GAB2: variants seen among roughly 807,000 people sequenced by gnomAD.
GAB2 encodes the protein GRB2-associated-binding protein 2.
A neutral mutation model predicts 65.5 loss-of-function variants in GAB2; 26 were observed. The ratio of observed to expected loss-of-function variants is 0.40; its 90% CI spans 0.29 to 0.55. The LOEUF is 0.55. Among genes scored for constraint, GAB2 ranks in the 20% least tolerant of loss-of-function variants. The pLI, the probability that GAB2 is intolerant of heterozygous loss-of-function variation, is 0.53. For missense variants in GAB2, 884 were observed against 875.8 expected (o/e 1.01, Z -0.12); for synonymous variants, 321 against 329.6 (o/e 0.97, Z 0.28).
intron 1 of GAB2, among the ~76,000 whole-genome samples, chr11:78,383,020 C>T (rs571829550): frequency 6.6e-6 from 1 of 152,234 alleles, no homozygotes; most frequent in Admixed American, 6.5e-5. Flanking sequence ...CGCCTGTAAT[C>T]CTGGCACTTT....
intron 1 of GAB2, among the ~76,000 whole-genome samples, chr11:78,293,667 A>T (rs116462200): frequency 1.9e-3 from 293 of 152,304 alleles, no homozygotes; most frequent in African/African-American, 6.8e-3. Context: ...GACAAGCGTT[A>T]TGTTCCAAGC....
intron 1 of GAB2, among the ~76,000 whole-genome samples, chr11:78,338,784 A>T (rs1217259262): frequency 6.6e-6 from 1 of 152,158 alleles, no homozygotes; most frequent in Non-Finnish European, 1.5e-5. Flanking sequence ...TCCTCATAAA[A>T]CTTTACATTC....
intron 1 of GAB2, among the ~76,000 whole-genome samples, chr11:78,306,440 C>T (rs557390901): frequency 1.3e-5 from 2 of 152,300 alleles, no homozygotes; most frequent in East Asian, 1.9e-4. Context: ...CCATGTTGCC[C>T]AGGCTGGTCG....
Position 78,384,272 on chromosome 11 carries a change from C to A in GAB2, c.75+33374G>T, listed in dbSNP as rs12225176. On this transcript the variant is annotated intron_variant, in intron 1 of 9. Coordinates refer to ENST00000361507, the MANE Select transcript of GAB2 (RefSeq NM_080491.3). ...TCTCATATGGGAGCTATGTGGGAGA[C>A]CAACAGGTCTGTGAAAGAGAACTCC... Among the ~76,000 whole-genome samples the A allele has an allele frequency of 4.6e-5, 7 of 152,266 alleles. No homozygotes were observed. The East Asian group carries it at 1.4e-3, about 29-fold the overall frequency.
chr11:78,318,695 C>G (rs1256907072), intron 1 of GAB2, among the ~76,000 whole-genome samples: 2 of 152,170 alleles, frequency 1.3e-5, no homozygotes, highest in East Asian at 3.9e-4. Flanking sequence ...GAACCACATT[C>G]TTATTTCTAA....
intron 3 of GAB2, among the ~76,000 whole-genome samples, chr11:78,231,371 C>G (rs1431813646): frequency 2.8e-4 from 21 of 76,274 alleles, no homozygotes; most frequent in South Asian, 1.3e-3. Context: ...GTGTGTGTGT[C>G]GGAGTCTCAT....
intron 1 of GAB2, among the ~76,000 whole-genome samples, chr11:78,373,530 G>A (rs1237429515): frequency 2.0e-5 from 3 of 151,934 alleles, no homozygotes; most frequent in Non-Finnish European, 4.4e-5. Flanking sequence ...GAGCCACCAC[G>A]CCTGGCCATA....
At chr11:78,292,092 TG>T (rs1386870478) in intron 1 of GAB2, among the ~76,000 whole-genome samples, 3 of 151,974 alleles carry the variant, frequency 2.0e-5, no homozygotes, top group Non-Finnish European at 4.4e-5. Flanking sequence ...AAGAGCTTTT[TG>T]AAGATACAAC....
chr11:78,300,349 T>C (rs930237916), intron 1 of GAB2, among the ~76,000 whole-genome samples: 2 of 151,890 alleles, frequency 1.3e-5, no homozygotes, highest in East Asian at 1.9e-4. Context: ...CATTCACCTA[T>C]TGAGGGATAA....
At chr11:78,296,113 A>G (rs767089080) in intron 1 of GAB2, among the ~76,000 whole-genome samples, 1 of 152,152 alleles carries the variant, frequency 6.6e-6, no homozygotes, top group Admixed American at 6.5e-5. Flanking sequence ...TTACTCTTCT[A>G]TGAGAATCTG....
intron 1 of GAB2, among the ~76,000 whole-genome samples, chr11:78,285,976 ATGAACAAAATTC>A (rs1205126984): frequency 2.6e-5 from 4 of 152,236 alleles, no homozygotes; most frequent in African/African-American, 9.7e-5. Flanking sequence ...CAACTAGGAC[ATGAACAAAATTC>A]TTTATTGCCA....
intron 1 of GAB2, among the ~76,000 whole-genome samples, chr11:78,327,990 A>T (rs1855853167): frequency 6.6e-6 from 1 of 152,128 alleles, no homozygotes; most frequent in South Asian, 2.1e-4. Flanking sequence ...ACTTGTTGGG[A>T]ATTTGTTGTG....
chr11:78,377,445 G>T (rs1856644988), intron 1 of GAB2, among the ~76,000 whole-genome samples: 1 of 152,052 alleles, frequency 6.6e-6, no homozygotes, highest in South Asian at 2.1e-4. Context: ...TTTCCCAAAG[G>T]CCCCATCTCC....
intron 1 of GAB2, among the ~76,000 whole-genome samples, chr11:78,339,692 C>T (rs748449838): frequency 1.3e-5 from 2 of 152,140 alleles, no homozygotes; most frequent in African/African-American, 2.4e-5. Context: ...AAGATATGTT[C>T]TTTATGTAGA....
At chr11:78,314,990 C>T (rs370789155) in intron 1 of GAB2, among the ~76,000 whole-genome samples, 93 of 152,290 alleles carry the variant, frequency 6.1e-4, no homozygotes, top group South Asian at 1.5e-3. Flanking sequence ...ATTACAGCTT[C>T]ACAGTGGCAG....
chr11:78,413,355 T>A (rs989325970), intron 1 of GAB2, among the ~76,000 whole-genome samples: 5 of 152,194 alleles, frequency 3.3e-5, no homozygotes, highest in African/African-American at 9.6e-5. Flanking sequence ...AAAGGAAATA[T>A]AGAGTAGCCA....
chr11:78,389,311 CTTT>C (rs113709383), intron 1 of GAB2, among the ~76,000 whole-genome samples: 4 of 144,130 alleles, frequency 2.8e-5, no homozygotes, highest in Non-Finnish European at 3.1e-5. Flanking sequence ...TGTGGTTTTC[CTTT>C]TTTTTTTTTT....
At chr11:78,382,563 T>C (rs952691599) in intron 1 of GAB2, among the ~76,000 whole-genome samples, 17 of 152,082 alleles carry the variant, frequency 1.1e-4, no homozygotes, top group African/African-American at 4.1e-4. Flanking sequence ...TACACTTTAA[T>C]GCCTAATAGA....
intron 1 of GAB2, among the ~76,000 whole-genome samples, chr11:78,407,679 A>AAGAGATGGC (rs1324992461): frequency 3.3e-4 from 50 of 150,732 alleles, no homozygotes; most frequent in African/African-American, 1.2e-3. Flanking sequence ...GAAAGAAAGA[A>AAGAGATGGC]AGAAAGAAAG....
Sources: allele counts gnomAD v4.1 joint callset (sites outside exome capture counted in the v4.1 genomes callset), GRCh38; gene constraint gnomAD v4.1.1; transcripts MANE v1.5; gene names NCBI Gene and HGNC (gene_info 2026-07-23, HGNC 2026-07-21).